The following MARCHF1 variants were observed in gnomAD, a reference collection of about 807,000 sequenced individuals.
MARCHF1 encodes the protein E3 ubiquitin-protein ligase MARCHF1.
In MARCHF1, 40 loss-of-function variants were observed where a neutral mutation model predicts 54.2. The observed-to-expected ratio is 0.74, with a 90% CI of 0.57 to 0.96. The LOEUF is 0.96. MARCHF1 is among the 40% of genes least tolerant of loss of function. MARCHF1 has a pLI of 0.00. For missense variants in MARCHF1, 586 were observed against 656.5 expected (o/e 0.89, Z 1.17); for synonymous variants, 236 against 236.3 (o/e 1.00, Z 0.01).
At chr4:164,347,735 G>T (rs1298867856) in intron 1 of MARCHF1, among the ~76,000 whole-genome samples, 1 of 152,250 alleles carries the variant, frequency 6.6e-6, no homozygotes, top group East Asian at 1.9e-4. Flanking sequence ...GAGTTCTGCA[G>T]TTACTAGAAG....
chr4:164,236,088 T>A (rs1732544641), intron 1 of MARCHF1, among the ~76,000 whole-genome samples: 1 of 152,052 alleles, frequency 6.6e-6, no homozygotes, highest in African/African-American at 2.4e-5. Context: ...AATTTTTTAG[T>A]ACCAAGCTTA....
At chr4:163,646,319 A>G (rs1314029735) in intron 5 of MARCHF1, among the ~76,000 whole-genome samples, 1 of 152,124 alleles carries the variant, frequency 6.6e-6, no homozygotes, top group African/African-American at 2.4e-5. Context: ...AAGGAGAGGT[A>G]AAGACTTTCC....
intron 1 of MARCHF1, among the ~76,000 whole-genome samples, chr4:164,369,347 G>A (rs192685231): frequency 6.6e-6 from 1 of 152,128 alleles, no homozygotes; most frequent in African/African-American, 2.4e-5. Context: ...TTGAAAAGAC[G>A]ATAAGACAAT....
chr4:163,759,478 TTCTCATTTTGCTGAA>T (rs2110817942), intron 4 of MARCHF1, among the ~76,000 whole-genome samples: 1 of 152,328 alleles, frequency 6.6e-6, no homozygotes, highest in African/African-American at 2.4e-5. Context: ...CCACCAGGGC[TTCTCATTTTGCTGAA>T]AGAAAATGAT....
At chr4:163,603,323 GT>G (rs34303333) in intron 7 of MARCHF1, among the ~76,000 whole-genome samples, 48,110 of 151,838 alleles carry the variant, frequency 0.32, 8,094 homozygotes, top group Middle Eastern at 0.39. Flanking sequence ...AAATCTAAAT[GT>G]TTTATGATAC....
chr4:163,918,848 C>A lies in MARCHF1; in HGVS notation c.-38-64679G>T, dbSNP rs546582098. 1.1e-4 allele frequency among the ~76,000 whole-genome samples: 16 copies of A among 152,088 alleles called. No homozygotes were observed. The South Asian group carries it at 2.9e-3, about 28-fold the overall frequency. ...TGTGAGAAAAACAAAAATGTTTCTG[C>A]ATCAATTTAATATGTTTTCTCATCA... On this transcript the variant is annotated intron_variant, in intron 3 of 9. Transcript: ENST00000514618.
At chr4:164,257,317 T>C (rs1192923526) in intron 1 of MARCHF1, among the ~76,000 whole-genome samples, 2 of 152,104 alleles carry the variant, frequency 1.3e-5, no homozygotes, top group African/African-American at 4.8e-5. Context: ...AATAATTGGA[T>C]AATTTTTCTT....
chr4:164,344,063 T>C (rs564120214), intron 1 of MARCHF1, among the ~76,000 whole-genome samples: 1 of 152,286 alleles, frequency 6.6e-6, no homozygotes, highest in African/African-American at 2.4e-5. Context: ...AACAAGAGCA[T>C]GTCCTTTGCA....
chr4:163,978,283 C>T (rs541822321), intron 3 of MARCHF1, among the ~76,000 whole-genome samples: 1 of 152,128 alleles, frequency 6.6e-6, no homozygotes, highest in East Asian at 1.9e-4. Context: ...GTCATGCAAC[C>T]TTAAATATTT....
chr4:163,776,898 G>A (rs1747322732), intron 4 of MARCHF1, among the ~76,000 whole-genome samples: 2 of 152,106 alleles, frequency 1.3e-5, no homozygotes, highest in Admixed American at 6.5e-5. Flanking sequence ...AATTGTGAGA[G>A]TATAGACAAA....
intron 1 of MARCHF1, among the ~76,000 whole-genome samples, chr4:164,349,316 C>A (rs951965802): frequency 4.1e-5 from 5 of 123,266 alleles, no homozygotes; most frequent in African/African-American, 1.1e-4. Context: ...GAAGTTAAAT[C>A]TGAGAAAAGT....
intron 2 of MARCHF1, among the ~76,000 whole-genome samples, chr4:164,013,688 A>T (rs1753475370): frequency 6.6e-6 from 1 of 152,242 alleles, no homozygotes; most frequent in Non-Finnish European, 1.5e-5. Context: ...TTCTAGCAGC[A>T]GCAACTGTGC....
At chr4:163,877,505 T>C (rs1458577671) in intron 3 of MARCHF1, among the ~76,000 whole-genome samples, 1 of 150,422 alleles carries the variant, frequency 6.6e-6, no homozygotes, top group Non-Finnish European at 1.5e-5. Flanking sequence ...GGATTGAGAA[T>C]CACTGGTCTA....
At chr4:164,266,127 T>C (rs1321609778) in intron 1 of MARCHF1, among the ~76,000 whole-genome samples, 3 of 152,172 alleles carry the variant, frequency 2.0e-5, no homozygotes, top group Non-Finnish European at 4.4e-5. Flanking sequence ...TATTGTCTCA[T>C]TTTTAGAATA....
At chr4:164,113,385 C>G (rs1449590972) in intron 1 of MARCHF1, among the ~76,000 whole-genome samples, 1 of 151,886 alleles carries the variant, frequency 6.6e-6, no homozygotes, top group Non-Finnish European at 1.5e-5. Flanking sequence ...TCTCTATATA[C>G]ATACCTTTCT....
chr4:163,853,974 T>A (rs1749703307), intron 4 of MARCHF1, 47 bp downstream of exon 4: 1 of 1,511,224 alleles, frequency 6.6e-7, no homozygotes. Flanking sequence ...TCTTTAGCAT[T>A]CTATTTACAT....
chr4:163,676,185 C>CA (rs869219643), intron 5 of MARCHF1, among the ~76,000 whole-genome samples: 5,667 of 89,156 alleles, frequency 0.064, 288 homozygotes, highest in East Asian at 0.18. Context: ...ACTAAAAATA[C>CA]AAAAAAAAAA....
chr4:164,150,642 C>T (rs1204054138), intron 1 of MARCHF1, among the ~76,000 whole-genome samples: 2 of 152,200 alleles, frequency 1.3e-5, no homozygotes, highest in African/African-American at 2.4e-5. Flanking sequence ...CAGGAGTAAA[C>T]AAAGTGTCGA....
chr4:163,961,145 C>A (rs925245243), intron 3 of MARCHF1, among the ~76,000 whole-genome samples: 2 of 151,884 alleles, frequency 1.3e-5, no homozygotes, highest in Non-Finnish European at 2.9e-5. Context: ...GTTATGGAAC[C>A]AAATGTTTCT....
Sources: gnomAD v4.1 joint callset for allele counts (sites outside exome capture counted in the v4.1 genomes callset) on GRCh38, gnomAD v4.1.1 for gene constraint, MANE v1.5 for transcripts, NCBI Gene and HGNC (gene_info 2026-07-23, HGNC 2026-07-21) for gene names.